The following PCBP3 variants were observed in gnomAD, a reference collection of about 807,000 sequenced individuals.
PCBP3 encodes poly(rC)-binding protein 3.
In PCBP3, 25 loss-of-function variants were observed where a neutral mutation model predicts 52.7. The ratio of observed to expected loss-of-function variants is 0.47; its 90% CI spans 0.35 to 0.66. The LOEUF (loss-of-function observed/expected upper bound fraction) is 0.66, where lower values mean the gene tolerates loss of function less well. Ranked by LOEUF, PCBP3 falls within the 30% of genes least tolerant of loss-of-function variation. PCBP3 has a pLI of 0.01. For missense variants in PCBP3, 391 were observed against 490.3 expected, an observed-to-expected ratio of 0.80 and a Z score of 1.91; for synonymous variants, 162 against 183.0, an observed-to-expected ratio of 0.89 and a Z score of 0.93.
chr21:45,862,726 C>T (rs887063436), intron 5 of PCBP3, among the ~76,000 whole-genome samples: 5 of 152,228 alleles, frequency 3.3e-5, no homozygotes, highest in African/African-American at 1.2e-4. Context: ...GTGTGGGCCC[C>T]AGCAGGAGCC....
intron 10 of PCBP3, 141 bp from the exon 11 acceptor site, chr21:45,910,761 G>A (rs769714453): frequency 1.2e-4 from 90 of 755,632 alleles, no homozygotes; most frequent in Admixed American, 5.2e-4. Flanking sequence ...CTGGGATGGC[G>A]GTGGGGGAGG....
chr21:45,867,800 C>G (rs1396117503), intron 5 of PCBP3, among the ~76,000 whole-genome samples: 1 of 152,284 alleles, frequency 6.6e-6, no homozygotes, highest in Non-Finnish European at 1.5e-5. Flanking sequence ...CAGCCCCACA[C>G]TGGAGGTGGC....
rs2093288822 is a variant in PCBP3, at chr21:45,825,723, G to A, written c.-125-24238G>A. Among the ~76,000 whole-genome samples the A allele has an allele frequency of 2.6e-5, 4 of 152,138 alleles. No individual in the cohort carries two copies. In the South Asian group the frequency reaches 8.3e-4, roughly 32 times the overall value. On this transcript the variant is annotated intron_variant, in intron 4 of 17. Transcript: ENST00000681687. ...GGGAAATGCTGGAAACTGGGAGGAGGGAAGACTCCTCACTTTGTCTGGGGA... is the reference window on the plus strand; with the variant it reads ...GGGAAATGCTGGAAACTGGGAGGAGAGAAGACTCCTCACTTTGTCTGGGGA...
chr21:45,776,962 A>T (rs1048201903), intron 4 of PCBP3, among the ~76,000 whole-genome samples: 1 of 152,126 alleles, frequency 6.6e-6, no homozygotes, highest in Non-Finnish European at 1.5e-5. Context: ...TTCTAGTGGT[A>T]CCATTTAAGC....
intron 4 of PCBP3, among the ~76,000 whole-genome samples, chr21:45,774,647 T>G (rs1449333189): frequency 6.6e-6 from 1 of 152,222 alleles, no homozygotes; most frequent in African/African-American, 2.4e-5. Context: ...ATGTTGGTTG[T>G]GGCTTTGTCA....
intron 15 of PCBP3, among the ~76,000 whole-genome samples, chr21:45,931,492 C>A (rs747052591): frequency 1.3e-5 from 2 of 152,224 alleles, no homozygotes; most frequent in African/African-American, 4.8e-5. Context: ...GGGTGGGCAG[C>A]GATGGGAGGT....
At chr21:45,653,171 G>T (rs931198213) in intron 1 of PCBP3, among the ~76,000 whole-genome samples, 4 of 152,124 alleles carry the variant, frequency 2.6e-5, no homozygotes, top group African/African-American at 9.7e-5. Flanking sequence ...CCAGAATATG[G>T]TATGTAAGTT....
intron 15 of PCBP3, among the ~76,000 whole-genome samples, chr21:45,933,341 A>G (rs1000209624): frequency 7.2e-5 from 11 of 152,270 alleles, no homozygotes; most frequent in African/African-American, 2.4e-4. Flanking sequence ...TGCTGTCCTG[A>G]GATGATTGTC....
rs552487521 is a variant in PCBP3 at position 45,805,669 on chromosome 21, T to C, written c.-125-44292T>C. Among the ~76,000 whole-genome samples, 1 of 152,332 alleles carries C rather than the reference T, an allele frequency of 6.6e-6. No homozygotes were observed. The highest frequency in any genetic ancestry group is 1.9e-4 in the East Asian group (1 of 5,180). ...CACATTTTCACAGGGAGAGTGTGAC[T>C]GGAAGGACCAGCCGTTGCTGCTGGC... On this transcript the variant is annotated intron_variant, in intron 4 of 17. Coordinates refer to ENST00000681687, the MANE Select transcript of PCBP3 (RefSeq NM_001384156.1). The surrounding 1 kb of genome is among the most constrained non-coding windows in gnomAD (Gnocchi z 4.6).
At chr21:45,717,863 C>T (rs538522686) in intron 2 of PCBP3, among the ~76,000 whole-genome samples, 1 of 152,118 alleles carries the variant, frequency 6.6e-6, no homozygotes, top group Non-Finnish European at 1.5e-5. Context: ...TGGGAAGTAT[C>T]CTTTTCTTGT....
intron 2 of PCBP3, among the ~76,000 whole-genome samples, chr21:45,681,998 C>G (rs140097132): frequency 0.01 from 1,541 of 151,846 alleles, 13 homozygotes; most frequent in Non-Finnish European, 0.016. Context: ...AAAAAAATTG[C>G]TAAGAATCAT....
chr21:45,798,709 T>C (rs956055941), intron 4 of PCBP3, among the ~76,000 whole-genome samples: 1 of 148,044 alleles, frequency 6.8e-6, no homozygotes, highest in Admixed American at 6.7e-5. Context: ...GTAGAGAGAG[T>C]GAATGGATGT....
intron 15 of PCBP3, among the ~76,000 whole-genome samples, chr21:45,932,783 G>A (rs1329304369): frequency 6.6e-6 from 1 of 151,422 alleles, no homozygotes; most frequent in African/African-American, 2.4e-5. Context: ...GAACACATCA[G>A]CCATGCCGTC....
chr21:45,932,244 G>A (rs1035432429), intron 15 of PCBP3, among the ~76,000 whole-genome samples: 36 of 151,654 alleles, frequency 2.4e-4, no homozygotes, highest in Non-Finnish European at 4.6e-4. Context: ...CCTGGGCCTT[G>A]CCGTCCTGAG....
rs1030118395 is a variant in PCBP3 at position 45,800,285 on chromosome 21, C to A, written c.-126+44833C>A. Among the ~76,000 whole-genome samples, 3 of 152,164 alleles carry A rather than the reference C, an allele frequency of 2.0e-5. No homozygotes were observed. Among genetic ancestry groups the A allele is most frequent in the African/African-American group, 7.2e-5 (3 of 41,442 alleles). ...GATCCACCCACAGAGACAGCAGGTC[C>A]AGGTCAGGGCTACCCCTCGCACAGC... is the stretch of plus-strand genomic sequence containing the variant. On this transcript the variant is annotated intron_variant, in intron 4 of 17. Coordinates refer to ENST00000681687, the MANE Select transcript of PCBP3 (RefSeq NM_001384156.1). The surrounding 1 kb of genome is among the most constrained non-coding windows in gnomAD (Gnocchi z 5.3).
intron 2 of PCBP3, among the ~76,000 whole-genome samples, chr21:45,692,427 A>C: frequency 6.6e-6 from 1 of 152,286 alleles, no homozygotes; most frequent in East Asian, 1.9e-4. Context: ...AAACATGAAT[A>C]TCAAGAATGA....
chr21:45,711,988 G>A (rs1569142002), intron 2 of PCBP3, among the ~76,000 whole-genome samples: 1 of 152,090 alleles, frequency 6.6e-6, no homozygotes, highest in Non-Finnish European at 1.5e-5. Context: ...CTATAATTTT[G>A]CCTTTTCCAG....
chr21:45,892,052 A>G (rs7277818), intron 5 of PCBP3, among the ~76,000 whole-genome samples: 73,548 of 152,108 alleles, frequency 0.48, 20,233 homozygotes, highest in African/African-American at 0.76. Context: ...TGGCCCACCC[A>G]GAAACACCAG....
chr21:45,756,076 T>C (rs1019119110), intron 4 of PCBP3, among the ~76,000 whole-genome samples: 1 of 152,226 alleles, frequency 6.6e-6, no homozygotes, highest in African/African-American at 2.4e-5. Context: ...AGGTCTCTGA[T>C]CTATTCCCCA....
Sources: gnomAD v4.1 joint callset for allele counts (sites outside exome capture counted in the v4.1 genomes callset) on GRCh38, gnomAD v4.1.1 for gene constraint, Gnocchi (gnomAD v3.1) non-coding constraint, MANE v1.5 for transcripts, NCBI Gene and HGNC (gene_info 2026-07-23, HGNC 2026-07-21) for gene names.